The following MAST4 variants were observed in gnomAD, a reference collection of about 807,000 sequenced individuals.
MAST4 encodes the protein microtubule associated serine/threonine kinase family member 4, also known as microtubule-associated serine/threonine-protein kinase 4.
Under a neutral mutation model 162.7 loss-of-function variants are expected in MAST4, and 89 were observed. The ratio of observed to expected loss-of-function variants is 0.55; its 90% CI spans 0.46 to 0.65. MAST4 has a LOEUF of 0.65. MAST4 is among the 30% of genes least tolerant of loss of function. The probability of loss-of-function intolerance (pLI) is 0.00; values close to 1 mark genes in which losing one functional copy is unlikely to be tolerated. For synonymous variants in MAST4, 1,479 were observed against 1,361.1 expected (o/e 1.09, Z -1.91); for missense variants, 3,153 against 3,374.0 (o/e 0.93, Z 1.62).
chr5:66,978,897 G>A (rs2150229354), intron 4 of MAST4, among the ~76,000 whole-genome samples: 1 of 152,274 alleles, frequency 6.6e-6, no homozygotes, highest in Middle Eastern at 3.4e-3. Context: ...TGGTAGCTTA[G>A]TAAGATTTCT....
chr5:66,609,315 G>T (rs532415044), intron 1 of MAST4, among the ~76,000 whole-genome samples: 3 of 151,830 alleles, frequency 2.0e-5, no homozygotes, highest in Non-Finnish European at 4.4e-5. Flanking sequence ...TAGCTGCCCA[G>T]CCCTTAAAGT....
intron 26 of MAST4, among the ~76,000 whole-genome samples, chr5:67,157,304 C>T (rs575333265): frequency 1.4e-4 from 21 of 152,294 alleles, no homozygotes; most frequent in Admixed American, 3.9e-4. Context: ...TTGTCTTTGG[C>T]GTATGCCTGT....
At chr5:66,889,252 A>G (rs1034271743) in intron 3 of MAST4, among the ~76,000 whole-genome samples, 3 of 152,194 alleles carry the variant, frequency 2.0e-5, no homozygotes, top group African/African-American at 7.2e-5. Flanking sequence ...CTTTTTATCT[A>G]AGCTCACTGT....
chr5:66,839,844 G>A lies in MAST4; in HGVS notation c.642+51050G>A, dbSNP rs574975397. Reference sequence around the variant, plus strand: ...ATGGAGTATCTGTAATTGAAGATGGGTGTTCAACTAAGAAAAACACATGAC... The same window carrying A: ...ATGGAGTATCTGTAATTGAAGATGGATGTTCAACTAAGAAAAACACATGAC... On this transcript the variant is annotated intron_variant, in intron 3 of 28. Coordinates refer to ENST00000403625, the MANE Select transcript of MAST4 (RefSeq NM_001164664.2). 6.6e-5 allele frequency among the ~76,000 whole-genome samples: 10 copies of A among 152,190 alleles called. No individual in the cohort carries two copies. In the East Asian group the frequency reaches 1.9e-3, roughly 29 times the overall value.
intron 4 of MAST4, among the ~76,000 whole-genome samples, chr5:66,916,296 C>A (rs1018558045): frequency 6.6e-6 from 1 of 151,928 alleles, no homozygotes; most frequent in African/African-American, 2.4e-5. Flanking sequence ...TCAGTTCCAC[C>A]CAAACTACAT....
At chr5:66,931,596 A>T (rs1308002245) in intron 4 of MAST4, among the ~76,000 whole-genome samples, 3 of 152,206 alleles carry the variant, frequency 2.0e-5, no homozygotes, top group African/African-American at 7.2e-5. Context: ...GCTAGACATT[A>T]TGTTGGATTT....
At chr5:66,924,163 C>T (rs1276989908) in intron 4 of MAST4, among the ~76,000 whole-genome samples, 1 of 152,146 alleles carries the variant, frequency 6.6e-6, no homozygotes, top group Non-Finnish European at 1.5e-5. Context: ...GAGGGCCTGG[C>T]ACCTGTGTAT....
chr5:67,135,408 G>T (rs544541313), intron 18 of MAST4, among the ~76,000 whole-genome samples: 6 of 152,102 alleles, frequency 3.9e-5, no homozygotes, highest in Non-Finnish European at 8.8e-5. Context: ...CATCAGAAAG[G>T]CCTCTCATCT....
rs1231316029 is a variant in MAST4, at chr5:67,149,664, G to T, written c.3295+75G>T. On this transcript the variant is annotated intron_variant, in intron 24 of 28. Coordinates refer to ENST00000403625, the MANE Select transcript of MAST4 (RefSeq NM_001164664.2). Reference sequence around the variant, plus strand: ...CATCCCTCCTCTCCCAATTTGGAATGCTGAATGAGATGCAAGATTGCTTGA... The same window carrying T: ...CATCCCTCCTCTCCCAATTTGGAATTCTGAATGAGATGCAAGATTGCTTGA... 3.5e-6 allele frequency: 5 copies of T among 1,425,200 alleles called. No homozygotes were observed. In the African/African-American group the frequency reaches 4.2e-5, roughly 12 times the overall value. The allele number at this position is 1,425,200 out of a possible 1,614,324, so 88.3% of individuals were successfully genotyped here. A position where few individuals can be genotyped will look rare whatever the true frequency, so the allele number is the denominator to read the frequency against.
At position 66,644,738 on chromosome 5, in the gene MAST4, T is replaced by A. The variant is rs570549459; in HGVS notation, c.363+47720T>A. On this transcript the variant is annotated intron_variant, in intron 1 of 28. Transcript: ENST00000403625. ...TGATTCTTTGTTTTGGACAGCTACA[T>A]TTGAAGTAGTTTTTTTTTTTTTTTT... is the stretch of plus-strand genomic sequence containing the variant. Among the ~76,000 whole-genome samples, 499 of 147,918 alleles carry A rather than the reference T, an allele frequency of 3.4e-3. 3 individuals are homozygous for A. Among genetic ancestry groups the A allele is most frequent in the African/African-American group, 0.012 (466 of 39,378 alleles).
intron 4 of MAST4, among the ~76,000 whole-genome samples, chr5:66,950,164 C>T (rs1213773502): frequency 6.6e-6 from 1 of 152,022 alleles, no homozygotes; most frequent in Non-Finnish European, 1.5e-5. Flanking sequence ...GCATAGGTTG[C>T]TATTAGAACT....
At chr5:66,803,231 A>G (rs898927795) in intron 3 of MAST4, among the ~76,000 whole-genome samples, 5 of 152,186 alleles carry the variant, frequency 3.3e-5, no homozygotes, top group African/African-American at 7.2e-5. Context: ...TCTGGGCTCC[A>G]TTTTGTAGTC....
intron 4 of MAST4, among the ~76,000 whole-genome samples, chr5:66,983,547 T>A (rs1274310046): frequency 6.6e-6 from 1 of 152,158 alleles, no homozygotes; most frequent in Non-Finnish European, 1.5e-5. Context: ...TAAGTGCCAG[T>A]TTCCTCATCT....
At chr5:66,907,174 A>C (rs867924929) in intron 4 of MAST4, among the ~76,000 whole-genome samples, 41 of 139,896 alleles carry the variant, frequency 2.9e-4, no homozygotes, top group African/African-American at 1.1e-3. Context: ...AGAGAGAGAG[A>C]GAGAGAGAGA....
intron 1 of MAST4, among the ~76,000 whole-genome samples, chr5:66,634,325 C>T (rs1744967904): frequency 6.6e-6 from 1 of 152,086 alleles, no homozygotes; most frequent in Non-Finnish European, 1.5e-5. Flanking sequence ...TCCCATAGTG[C>T]TGGGATTGCA....
intron 1 of MAST4, among the ~76,000 whole-genome samples, chr5:66,730,344 T>C (rs1222375376): frequency 2.0e-5 from 3 of 152,200 alleles, no homozygotes; most frequent in Non-Finnish European, 4.4e-5. Flanking sequence ...CTGATGAAGA[T>C]GAATAGGTAA....
At chr5:66,803,876 C>T (rs1756043332) in intron 3 of MAST4, among the ~76,000 whole-genome samples, 1 of 151,444 alleles carries the variant, frequency 6.6e-6, no homozygotes, top group African/African-American at 2.4e-5. Context: ...ACTACACATC[C>T]TTGTCTTAAT....
chr5:66,627,371 G>A (rs1377956775), intron 1 of MAST4, among the ~76,000 whole-genome samples: 2 of 152,122 alleles, frequency 1.3e-5, no homozygotes, highest in Admixed American at 6.5e-5. Flanking sequence ...GTGGGTTCAC[G>A]CCAAACCATA....
chr5:66,684,562 T>G (rs1364689244), intron 1 of MAST4, among the ~76,000 whole-genome samples: 2 of 152,236 alleles, frequency 1.3e-5, no homozygotes, highest in Admixed American at 6.5e-5. Flanking sequence ...AGTAGGTGCA[T>G]ATATGTTTTA....
Sources: gnomAD v4.1 joint callset for allele counts (sites outside exome capture counted in the v4.1 genomes callset) on GRCh38, gnomAD v4.1.1 for gene constraint, MANE v1.5 for transcripts, NCBI Gene and HGNC (gene_info 2026-07-23, HGNC 2026-07-21) for gene names.